PTPRK: variants seen among roughly 807,000 people sequenced by gnomAD.
PTPRK encodes the protein protein tyrosine phosphatase receptor type K.
A neutral mutation model predicts 178.0 loss-of-function variants in PTPRK; 75 were observed. The ratio of observed to expected loss-of-function variants is 0.42; its 90% CI spans 0.35 to 0.51. The LOEUF (loss-of-function observed/expected upper bound fraction) is 0.51, where lower values mean the gene tolerates loss of function less well. Among genes scored for constraint, PTPRK ranks in the 20% least tolerant of loss-of-function variants. The pLI, the probability that PTPRK is intolerant of heterozygous loss-of-function variation, is 0.02. For missense variants in PTPRK, 1,441 were observed against 1,797.8 expected (o/e 0.80, Z 3.59); for synonymous variants, 637 against 620.6 (o/e 1.03, Z -0.39).
intron 2 of PTPRK, among the ~76,000 whole-genome samples, chr6:128,381,519 C>G (rs1347411116): frequency 6.6e-6 from 1 of 151,952 alleles, no homozygotes; most frequent in African/African-American, 2.4e-5. Context: ...GAAATTCAAA[C>G]CAATTTCTTA....
intron 1 of PTPRK, chr6:128,409,377 G>A: frequency 4.5e-6 from 2 of 446,100 alleles, no homozygotes; most frequent in Non-Finnish European, 9.0e-6. Flanking sequence ...TATAATAGAG[G>A]TAGACACATC....
intron 1 of PTPRK, among the ~76,000 whole-genome samples, chr6:128,470,730 G>C (rs1268083968): frequency 7.3e-6 from 1 of 136,692 alleles, no homozygotes; most frequent in Non-Finnish European, 1.6e-5. Context: ...TTATCTAGAA[G>C]AAGAAACAAT....
At chr6:128,308,751 C>G (rs1826809821) in intron 3 of PTPRK, among the ~76,000 whole-genome samples, 1 of 152,200 alleles carries the variant, frequency 6.6e-6, no homozygotes, top group Non-Finnish European at 1.5e-5. Context: ...CGAAGTCCAG[C>G]TATGAAGAAC....
intron 6 of PTPRK, among the ~76,000 whole-genome samples, chr6:128,194,828 T>C (rs1180543415): frequency 1.3e-5 from 2 of 152,198 alleles, no homozygotes; most frequent in African/African-American, 4.8e-5. Context: ...CTAGATTATA[T>C]AGCACTGGCT....
At chr6:128,111,333 G>C (rs1337407516) in intron 7 of PTPRK, among the ~76,000 whole-genome samples, 1 of 152,070 alleles carries the variant, frequency 6.6e-6, no homozygotes, top group Non-Finnish European at 1.5e-5. Flanking sequence ...TTTAACCCTA[G>C]ATCCAAACAT....
intron 13 of PTPRK, among the ~76,000 whole-genome samples, chr6:128,025,208 C>T (rs1774102020): frequency 6.6e-6 from 1 of 152,250 alleles, no homozygotes; most frequent in South Asian, 2.1e-4. Flanking sequence ...AGACACTCCA[C>T]TCTCTCCCTG....
intron 13 of PTPRK, among the ~76,000 whole-genome samples, chr6:128,021,309 C>A (rs1450561874): frequency 1.3e-5 from 2 of 152,150 alleles, no homozygotes; most frequent in African/African-American, 4.8e-5. Context: ...TCAACATCTT[C>A]CCTTGTCTAA....
At chr6:128,275,205 C>T (rs1358654943) in intron 3 of PTPRK, among the ~76,000 whole-genome samples, 4 of 151,944 alleles carry the variant, frequency 2.6e-5, no homozygotes, top group African/African-American at 9.7e-5. Flanking sequence ...CTTGACCAAG[C>T]TTACAGGAAA....
Position 128,242,585 on chromosome 6 carries a change from T to C in PTPRK, c.513A>G (p.Glu171=). ...TATAACCACTTCTCCCTCCTGAGAC[T>C]TCAGCTTCAAATATTACCTGTCAAA... is the stretch of plus-strand genomic sequence containing the variant. ...PNEYQVIFEA[E]VSGGRSGYIA... is the part of the protein sequence containing the mutation. The change falls in exon 4 of 30, where the codon GAA becomes GAG. Residue 171 remains glutamate (E), a synonymous_variant. Coordinates refer to ENST00000368226, the MANE Select transcript of PTPRK (RefSeq NM_002844.4). The C allele has an allele frequency of 6.2e-7, 1 of 1,612,620 alleles. No homozygotes were observed. Among genetic ancestry groups the C allele is most frequent in the East Asian group, 2.2e-5 (1 of 44,696 alleles).
intron 6 of PTPRK, among the ~76,000 whole-genome samples, chr6:128,190,110 TAAC>T (rs1271214639): frequency 6.6e-6 from 1 of 152,210 alleles, no homozygotes; most frequent in African/African-American, 2.4e-5. Flanking sequence ...ATCATATGTA[TAAC>T]AACACAATTT....
intron 2 of PTPRK, among the ~76,000 whole-genome samples, chr6:128,334,003 G>C (rs771357922): frequency 3.3e-5 from 5 of 152,052 alleles, no homozygotes; most frequent in African/African-American, 4.8e-5. Flanking sequence ...GAACAGGGAG[G>C]GCTGAGGAGA....
At chr6:128,257,657 A>C (rs1817549545) in intron 3 of PTPRK, among the ~76,000 whole-genome samples, 1 of 152,232 alleles carries the variant, frequency 6.6e-6, no homozygotes, top group Non-Finnish European at 1.5e-5. Context: ...TCCAAAATGC[A>C]ATAACAAGTG....
intron 2 of PTPRK, among the ~76,000 whole-genome samples, chr6:128,361,783 A>G (rs1291386762): frequency 6.6e-6 from 1 of 152,204 alleles, no homozygotes; most frequent in Non-Finnish European, 1.5e-5. Flanking sequence ...GCAGTCTATC[A>G]TTGACCAAAA....
At chr6:128,195,076 A>T (rs1018373263) in intron 6 of PTPRK, among the ~76,000 whole-genome samples, 14 of 150,636 alleles carry the variant, frequency 9.3e-5, no homozygotes, top group African/African-American at 3.0e-4. Context: ...TATATAGTTT[A>T]AAAAAATTAT....
chr6:128,316,134 T>C (rs1827963174), intron 3 of PTPRK, among the ~76,000 whole-genome samples: 1 of 152,220 alleles, frequency 6.6e-6, no homozygotes, highest in Non-Finnish European at 1.5e-5. Flanking sequence ...TTTATCTGCC[T>C]GATCAATGTA....
At chr6:128,136,194 T>A (rs1794990930) in intron 7 of PTPRK, among the ~76,000 whole-genome samples, 1 of 152,198 alleles carries the variant, frequency 6.6e-6, no homozygotes, top group East Asian at 1.9e-4. Flanking sequence ...CCAAACCTCC[T>A]GACACTTTGA....
chr6:128,131,288 G>C (rs1455600905), intron 7 of PTPRK, among the ~76,000 whole-genome samples: 3 of 152,144 alleles, frequency 2.0e-5, no homozygotes, highest in Non-Finnish European at 2.9e-5. Context: ...TGTGTTGCTT[G>C]AAAAACTACT....
At chr6:128,383,908 T>C (rs1212220520) in intron 2 of PTPRK, among the ~76,000 whole-genome samples, 1 of 152,202 alleles carries the variant, frequency 6.6e-6, no homozygotes, top group Non-Finnish European at 1.5e-5. Context: ...TTTTATTTTC[T>C]ATAAAACATT....
At chr6:128,191,332 T>C (rs888267150) in intron 6 of PTPRK, among the ~76,000 whole-genome samples, 7 of 152,092 alleles carry the variant, frequency 4.6e-5, no homozygotes, top group Non-Finnish European at 1.0e-4. Context: ...ATCTCACTTA[T>C]ATGTGAAATC....
Sources: gnomAD v4.1 joint callset for allele counts (sites outside exome capture counted in the v4.1 genomes callset) on GRCh38, gnomAD v4.1.1 for gene constraint, MANE v1.5 for transcripts, NCBI Gene and HGNC (gene_info 2026-07-23, HGNC 2026-07-21) for gene names.